Variants in CBLC observed in about 807,000 individuals in gnomAD.
CBLC encodes Cbl proto-oncogene C.
CBLC carries 46 observed loss-of-function variants against 58.6 expected under a neutral mutation model. The ratio of observed to expected loss-of-function variants is 0.79; its 90% CI spans 0.62 to 1.00. CBLC has a LOEUF of 1.00. CBLC is among the 50% of genes least tolerant of loss of function. The pLI is 0.00. For synonymous variants in CBLC, 271 were observed against 264.2 expected (o/e 1.03, Z -0.25); for missense variants, 655 against 625.8 (o/e 1.05, Z -0.50).
chr19:44,779,518 T>C (rs1967665094), intron 1 of CBLC, among the ~76,000 whole-genome samples: 1 of 151,670 alleles, frequency 6.6e-6, no homozygotes, highest in Non-Finnish European at 1.5e-5. Context: ...CAGGGACCCA[T>C]GCCACTTCTT....
At position 44,792,505 on chromosome 19, in the gene CBLC, T is replaced by C. The variant is rs1246036722; in HGVS notation, c.1128T>C (p.Ala376=). 2 of 1,600,422 alleles carry C rather than the reference T, an allele frequency of 1.2e-6. No individual in the cohort carries two copies. The highest frequency in any genetic ancestry group is 8.5e-7 in the Non-Finnish European group (1 of 1,174,962). The change falls in exon 7 of 11, where the codon GCT becomes GCC. Residue 376 remains alanine, a synonymous_variant. Coordinates refer to ENST00000647358, the MANE Select transcript of CBLC (RefSeq NM_012116.4). ...CGHLLCSCCL[A]AWQHSDSQTC... ...ACCTGCTCTGCAGCTGCTGCCTGGCTGCCTGGCAGGTGGGTCTGACCCCTG... is the reference window on the plus strand; with the variant it reads ...ACCTGCTCTGCAGCTGCTGCCTGGCCGCCTGGCAGGTGGGTCTGACCCCTG...
chr19:44,782,556 G>T, intron 4 of CBLC, 65 bp downstream of exon 4: 2 of 1,335,050 alleles, frequency 1.5e-6, no homozygotes, highest in Non-Finnish European at 2.1e-6. Context: ...CTGGGCTGGT[G>T]CGTGGTGGAG....
In CBLC at chr19:44,794,243, C is replaced by A; in HGVS notation, c.1324C>A (p.Leu442Met). The change falls in exon 9 of 11, where the codon CTG becomes ATG. Residue 442 changes from leucine (L) to methionine (M), a missense_variant. Leu to Met is a conservative substitution (Grantham distance 15, BLOSUM62 2). Coordinates refer to ENST00000647358, the MANE Select transcript of CBLC (RefSeq NM_012116.4). ...TCCTCCATTGCCCCCACGGCCAGAT[C>A]TGCCCCCCAGGAAGCCCAGAAATGC... ...SAPPLPPRPD[L>M]PPRKPRNAQP... 6.2e-7 allele frequency: 1 copy of A among 1,613,268 alleles called. No homozygotes were observed. The highest frequency in any genetic ancestry group is 8.5e-7 in the Non-Finnish European group (1 of 1,179,606).
intron 3 of CBLC, 21 bp from the exon 4 acceptor site, chr19:44,782,349 C>T (rs772749744): frequency 4.3e-6 from 7 of 1,613,384 alleles, no homozygotes; most frequent in Middle Eastern, 1.7e-4. Context: ...GCTCCCTGAC[C>T]CAAGCCCTGC....
intron 9 of CBLC, 81 bp from the exon 10 acceptor site, chr19:44,800,300 A>G (rs907571088): frequency 9.8e-7 from 1 of 1,024,852 alleles, no homozygotes; most frequent in Non-Finnish European, 1.5e-6. Flanking sequence ...CAGGTCTAAG[A>G]CAAAGGGGAC....
intron 5 of CBLC, among the ~76,000 whole-genome samples, chr19:44,786,617 G>GA (rs1291892058): frequency 4.0e-5 from 6 of 149,952 alleles, no homozygotes; most frequent in African/African-American, 7.3e-5. Flanking sequence ...AAGAAAAAAA[G>GA]AAAAAAAAAT....
intron 1 of CBLC, among the ~76,000 whole-genome samples, chr19:44,779,308 C>T: frequency 6.6e-6 from 1 of 152,092 alleles, no homozygotes; most frequent in Admixed American, 6.6e-5. Context: ...GATGGACACA[C>T]CCAAAGAAAC....
rs754467378 is a variant in CBLC at position 44,800,370 on chromosome 19, CT to C, written c.1363-10del. On this transcript the variant is annotated splice_polypyrimidine_tract_variant and intron_variant, in intron 9 of 10. Coordinates refer to ENST00000647358, the MANE Select transcript of CBLC (RefSeq NM_012116.4). ...GGAATCAACCGCCCTCTCAAAATATCTCCATTGCAGAGACTCCTAAAGGGGA... is the reference window on the plus strand; with the variant it reads ...GGAATCAACCGCCCTCTCAAAATATCCCATTGCAGAGACTCCTAAAGGGGA... The C allele has an allele frequency of 6.3e-7, 1 of 1,599,274 alleles. No individual in the cohort carries two copies. The highest frequency in any genetic ancestry group is 1.1e-5 in the South Asian group (1 of 90,800).
chr19:44,791,613 G>A lies in CBLC; in HGVS notation c.1006-770G>A, dbSNP rs150894593. 3.8e-3 allele frequency among the ~76,000 whole-genome samples: 582 copies of A among 151,726 alleles called. 5 individuals are homozygous for A. The highest frequency in any genetic ancestry group is 0.013 in the African/African-American group (545 of 41,378). On this transcript the variant is annotated intron_variant, in intron 6 of 10. Coordinates refer to ENST00000647358, the MANE Select transcript of CBLC (RefSeq NM_012116.4). ...CCAGGTATGGTGGCTTATGCCTGTA[G>A]TCCCAGCTACTCAGGAGGCTGAGGC...
chr19:44,796,219 AAAAC>A (rs1026667294), intron 9 of CBLC, among the ~76,000 whole-genome samples: 6 of 152,122 alleles, frequency 3.9e-5, no homozygotes, highest in East Asian at 1.9e-4. Flanking sequence ...CCTGTCTCAA[AAAAC>A]AAACAAACAA....
intron 5 of CBLC, among the ~76,000 whole-genome samples, chr19:44,788,936 C>T (rs1395399568): frequency 6.6e-6 from 1 of 152,256 alleles, no homozygotes; most frequent in Non-Finnish European, 1.5e-5. Context: ...GAGAGAGCCA[C>T]TGTGGGGCCC....
At chr19:44,783,215 A>T (rs1967796165) in intron 4 of CBLC, among the ~76,000 whole-genome samples, 1 of 151,882 alleles carries the variant, frequency 6.6e-6, no homozygotes, top group Non-Finnish European at 1.5e-5. Context: ...TACTAAAAAT[A>T]CAAAAATTAG....
intron 4 of CBLC, 120 bp downstream of exon 4, chr19:44,782,611 C>T (rs1157118581): frequency 1.3e-6 from 1 of 776,068 alleles, no homozygotes; most frequent in East Asian, 2.7e-5. Context: ...CCCAGGACCC[C>T]AGAGAGTTGA....
At chr19:44,781,415 G>A (rs1470941431) in intron 3 of CBLC, 52 bp downstream of exon 3, 17 of 1,552,496 alleles carry the variant, frequency 1.1e-5, no homozygotes, top group Non-Finnish European at 1.5e-5. Context: ...AGGAAGTAGA[G>A]GGCTGAATCC....
chr19:44,796,541 C>T (rs1042757217), intron 9 of CBLC, among the ~76,000 whole-genome samples: 2 of 151,974 alleles, frequency 1.3e-5, no homozygotes, highest in Non-Finnish European at 2.9e-5. Flanking sequence ...GGTGCCACCA[C>T]GCCTGGCAAA....
In CBLC at chr19:44,792,209, G is replaced by T. The variant is rs190467891; in HGVS notation, c.1006-174G>T. On this transcript the variant is annotated intron_variant, in intron 6 of 10. Coordinates refer to ENST00000647358, the MANE Select transcript of CBLC (RefSeq NM_012116.4). ...GGGTTTCAACATGTTGACCAGGCTG[G>T]TCTCGAACTCCTGACCTCAGATGAT... Among the ~76,000 whole-genome samples the T allele has an allele frequency of 6.1e-3, 926 of 151,874 alleles. 13 individuals carry two copies. The highest frequency in any genetic ancestry group is 0.021 in the African/African-American group (888 of 41,418).
chr19:44,791,780 C>T (rs1418004140), intron 6 of CBLC, among the ~76,000 whole-genome samples: 1 of 149,788 alleles, frequency 6.7e-6, no homozygotes, highest in African/African-American at 2.5e-5. Context: ...GGCCATTGGA[C>T]ATGCCAGCCT....
chr19:44,794,229 C>T lies in CBLC; in HGVS notation c.1310C>T (p.Pro437Leu). 2 of 1,613,042 alleles carry T rather than the reference C, an allele frequency of 1.2e-6. No individual in the cohort carries two copies. Among genetic ancestry groups the T allele is most frequent in the Non-Finnish European group, 1.7e-6 (2 of 1,179,538 alleles). Residue 437 changes from proline (P) to leucine (L), a missense_variant, in exon 9 of 11, where the codon CCC becomes CTC. Physicochemically the swap from Pro to Leu is moderately conservative, Grantham distance 98. Transcript: ENST00000647358. ...GTGCCCCTTTCGGCTCCTCCATTGC[C>T]CCCACGGCCAGATCTGCCCCCCAGG... Reference protein sequence around the residue: ...GQVPLSAPPLPPRPDLPPRKP... With the variant: ...GQVPLSAPPLLPRPDLPPRKP...
At chr19:44,785,128 C>CA (rs1967864353) in intron 5 of CBLC, among the ~76,000 whole-genome samples, 1 of 151,406 alleles carries the variant, frequency 6.6e-6, no homozygotes, top group Non-Finnish European at 1.5e-5. Flanking sequence ...CCCACCACCA[C>CA]ACCCGGCTAA....
Sources: allele counts gnomAD v4.1 joint callset (sites outside exome capture counted in the v4.1 genomes callset), GRCh38; gene constraint gnomAD v4.1.1; transcripts MANE v1.5; gene names NCBI Gene and HGNC (gene_info 2026-07-23, HGNC 2026-07-21).